VRK2: variants seen among roughly 807,000 people sequenced by gnomAD.
VRK2 encodes VRK serine/threonine kinase 2.
In VRK2, 60 loss-of-function variants were observed where a neutral mutation model predicts 57.6. The ratio of observed to expected loss-of-function variants is 1.04; its 90% CI spans 0.85 to 1.29. VRK2 has a LOEUF of 1.29. VRK2 is among the 50% of genes most tolerant of loss of function. VRK2 has a pLI of 0.00. For missense variants in VRK2, 705 were observed against 588.1 expected (o/e 1.20, Z -2.06); for synonymous variants, 231 against 199.2 (o/e 1.16, Z -1.35).
At chr2:58,158,326 A>T (rs923732709) in intron 12 of VRK2, among the ~76,000 whole-genome samples, 2 of 152,202 alleles carry the variant, frequency 1.3e-5, no homozygotes, top group African/African-American at 4.8e-5. Context: ...GTTTAAAATG[A>T]GTTATTTAAC....
chr2:58,021,932 T>C (rs1169729469), intron 1 of VRK2, among the ~76,000 whole-genome samples: 3 of 152,230 alleles, frequency 2.0e-5, no homozygotes, highest in African/African-American at 7.2e-5. Flanking sequence ...TAATACTTCA[T>C]ACCCTGTTTA....
At chr2:58,000,912 A>C (rs1673070462) in intron 1 of VRK2, among the ~76,000 whole-genome samples, 2 of 152,232 alleles carry the variant, frequency 1.3e-5, no homozygotes, top group African/African-American at 4.8e-5. Context: ...GTACAAGAAA[A>C]TGCCTTTGAA....
chr2:57,970,749 A>G (rs1672071514), intron 1 of VRK2, among the ~76,000 whole-genome samples: 1 of 152,004 alleles, frequency 6.6e-6, no homozygotes, highest in South Asian at 2.1e-4. Flanking sequence ...TAAACCCATT[A>G]CTAAATTTTA....
chr2:57,930,195 G>A (rs947444146), intron 1 of VRK2, among the ~76,000 whole-genome samples: 4 of 152,148 alleles, frequency 2.6e-5, no homozygotes, highest in African/African-American at 9.7e-5. Flanking sequence ...GTACTCCAGA[G>A]TACTTTAGCC....
intron 3 of VRK2, among the ~76,000 whole-genome samples, chr2:58,038,597 C>T (rs1336305522): frequency 6.6e-6 from 1 of 152,086 alleles, no homozygotes; most frequent in Non-Finnish European, 1.5e-5. Flanking sequence ...GCCTTATCTA[C>T]CCCAGATTTA....
intron 7 of VRK2, among the ~76,000 whole-genome samples, chr2:58,107,795 T>A (rs1674968128): frequency 6.6e-6 from 1 of 152,174 alleles, no homozygotes; most frequent in South Asian, 2.1e-4. Context: ...TTCACATTAG[T>A]GTCCTGCTTC....
chr2:58,014,795 A>G (rs1161339525), intron 1 of VRK2, among the ~76,000 whole-genome samples: 1 of 152,192 alleles, frequency 6.6e-6, no homozygotes, highest in African/African-American at 2.4e-5. Flanking sequence ...TATAAAAAAG[A>G]GACACATTAA....
At chr2:57,944,853 A>G (rs1161363323) in intron 1 of VRK2, among the ~76,000 whole-genome samples, 1 of 152,228 alleles carries the variant, frequency 6.6e-6, no homozygotes, top group African/African-American at 2.4e-5. Flanking sequence ...AGAAAGAGGA[A>G]AAAGAAGAAA....
rs1010734919 is a variant in VRK2, at chr2:58,010,206, G to A, written c.-438-15459G>A. Among the ~76,000 whole-genome samples the A allele has an allele frequency of 5.9e-5, 9 of 152,068 alleles. 1 individual carries two copies. Among genetic ancestry groups the A allele is most frequent in the Admixed American group, 4.6e-4 (7 of 15,258 alleles). ...ATCCCATCTTCACAACCTATTAGAG[G>A]TGTGACCTTGGGCAAATCACTTAAT... On this transcript the variant is annotated intron_variant, in intron 1 of 15. Transcript: ENST00000417641.
chr2:57,917,334 T>C (rs577818449), intron 1 of VRK2, among the ~76,000 whole-genome samples: 2 of 151,926 alleles, frequency 1.3e-5, no homozygotes, highest in East Asian at 1.9e-4. Flanking sequence ...TGGGTGCTTG[T>C]GGTATAAATA....
At chr2:58,123,336 A>G (rs1677813647) in intron 8 of VRK2, 103 bp downstream of exon 8, 3 of 1,372,722 alleles carry the variant, frequency 2.2e-6, no homozygotes, top group Middle Eastern at 2.4e-4. Context: ...AGTTTGAAGC[A>G]TAAGAGCACT....
chr2:57,909,141 G>A (rs558161765), intron 1 of VRK2, among the ~76,000 whole-genome samples: 46 of 152,280 alleles, frequency 3.0e-4, no homozygotes, highest in African/African-American at 1.1e-3. Context: ...TGATTCTCAA[G>A]TGAGTGCTCA....
Position 58,131,813 on chromosome 2 carries a change from T to C in VRK2, c.682T>C (p.Ser228Pro). The C allele has an allele frequency of 6.2e-7, 1 of 1,611,964 alleles. No individual in the cohort carries two copies. Among genetic ancestry groups the C allele is most frequent in the African/African-American group, 1.3e-5 (1 of 74,958 alleles). Residue 228 changes from serine (S) to proline (P), a missense_variant, in exon 9 of 13, where the codon TCC becomes CCC. Ser to Pro is a moderately conservative substitution (Grantham distance 74). Transcript: ENST00000340157. ...SLDAHKGVAL[S>P]RRSDVEILGY... The stretch of plus-strand genomic sequence containing the variant: ...TCTAATGCTTACTCCTATAGCCTTG[T>C]CCAGACGAAGTGACGTTGAGATCCT...
At chr2:58,069,943 G>C (rs754741044) in intron 2 of VRK2, among the ~76,000 whole-genome samples, 2 of 152,074 alleles carry the variant, frequency 1.3e-5, no homozygotes, top group Non-Finnish European at 2.9e-5. Flanking sequence ...ACTGTGAATT[G>C]TGACCTTTTC....
intron 2 of VRK2, among the ~76,000 whole-genome samples, chr2:58,030,480 G>A (rs1433361568): frequency 4.6e-5 from 7 of 151,916 alleles, no homozygotes; most frequent in Admixed American, 1.3e-4. Context: ...ACTCTACCTC[G>A]TTTCCTCTCA....
chr2:57,939,071 G>T (rs942315138), intron 1 of VRK2, among the ~76,000 whole-genome samples: 9 of 152,162 alleles, frequency 5.9e-5, no homozygotes, highest in African/African-American at 2.2e-4. Context: ...TGGAAGAAAA[G>T]ACAAGAGTAG....
chr2:57,925,705 T>C (rs1444188078), intron 1 of VRK2, among the ~76,000 whole-genome samples: 1 of 151,872 alleles, frequency 6.6e-6, no homozygotes, highest in African/African-American at 2.4e-5. Context: ...TGCTCTGATT[T>C]ATTATTTTTC....
chr2:57,921,023 C>G (rs1400627616), intron 1 of VRK2, among the ~76,000 whole-genome samples: 2 of 152,012 alleles, frequency 1.3e-5, no homozygotes, highest in Non-Finnish European at 1.5e-5. Context: ...GAACATGAGG[C>G]CTGAGTGGTG....
At position 58,054,697 on chromosome 2, in the gene VRK2, C is replaced by A. The variant is rs150534523; in HGVS notation, c.136+5730C>A. On this transcript the variant is annotated intron_variant, in intron 2 of 12. Transcript: ENST00000340157. ...GAGAGAGCTCATTAGAAATTAGCTA[C>A]TTGGATGATGAAAATTTCTTCATCA... Among the ~76,000 whole-genome samples the A allele has an allele frequency of 2.3e-3, 350 of 151,954 alleles. 1 individual carries two copies. The highest frequency in any genetic ancestry group is 3.4e-3 in the Non-Finnish European group (233 of 67,914).
Sources: allele counts gnomAD v4.1 joint callset (sites outside exome capture counted in the v4.1 genomes callset), GRCh38; gene constraint gnomAD v4.1.1; transcripts MANE v1.5; gene names NCBI Gene and HGNC (gene_info 2026-07-23, HGNC 2026-07-21).